Variants in TTC7A observed in about 807,000 individuals in gnomAD.
The protein encoded by TTC7A is tetratricopeptide repeat domain 7A, also known as tetratricopeptide repeat protein 7A.
TTC7A carries 110 observed loss-of-function variants against 103.7 expected under a neutral mutation model. The ratio of observed to expected loss-of-function variants is 1.06; its 90% CI spans 0.91 to 1.24. The LOEUF is 1.24. Ranked by LOEUF, TTC7A falls within the 50% of genes most tolerant of loss-of-function variation. The pLI is 0.00. For missense variants in TTC7A, 1,340 were observed against 1,116.3 expected, an observed-to-expected ratio of 1.20 and a Z score of -2.86; for synonymous variants, 521 against 467.9, an observed-to-expected ratio of 1.11 and a Z score of -1.47.
At chr2:47,052,557 G>A (rs989010466) in intron 18 of TTC7A, among the ~76,000 whole-genome samples, 3 of 152,206 alleles carry the variant, frequency 2.0e-5, no homozygotes, top group African/African-American at 4.8e-5. Context: ...CACGGACAGC[G>A]AGTGTCTTAA....
At chr2:47,045,369 T>G (rs1682205057) in intron 15 of TTC7A, among the ~76,000 whole-genome samples, 1 of 152,168 alleles carries the variant, frequency 6.6e-6, no homozygotes, top group South Asian at 2.1e-4. Context: ...GTGTCATGAC[T>G]GGCCTGTGAG....
intron 2 of TTC7A, among the ~76,000 whole-genome samples, chr2:46,955,571 A>G (rs755767434): frequency 1.3e-5 from 2 of 152,198 alleles, no homozygotes; most frequent in Non-Finnish European, 2.9e-5. Context: ...TGGTTAGGCC[A>G]GGGGGAAGGG....
chr2:46,998,232 A>G (rs1449495765), intron 8 of TTC7A, among the ~76,000 whole-genome samples: 1 of 152,072 alleles, frequency 6.6e-6, no homozygotes, highest in Non-Finnish European at 1.5e-5. Flanking sequence ...ACATTCAGAA[A>G]CTTGAGGGAT....
intron 10 of TTC7A, 40 bp downstream of exon 10, chr2:47,006,764 C>T: frequency 2.0e-6 from 3 of 1,487,690 alleles, no homozygotes; most frequent in Non-Finnish European, 2.8e-6. Flanking sequence ...CACTCACCCG[C>T]AGGGGGCTCT....
chr2:46,992,978 G>A (rs1004375034), intron 5 of TTC7A, among the ~76,000 whole-genome samples: 24 of 152,360 alleles, frequency 1.6e-4, no homozygotes, highest in African/African-American at 5.8e-4. Flanking sequence ...GGCGAGACTG[G>A]CTGGTGTGGT....
At chr2:47,021,816 G>GA (rs1171026975) in intron 11 of TTC7A, 46 bp from the exon 12 acceptor site, 1 of 1,523,508 alleles carries the variant, frequency 6.6e-7, no homozygotes, top group Admixed American at 1.7e-5. Flanking sequence ...ACTGGTAGAG[G>GA]AAACTCCAAC....
intron 18 of TTC7A, 151 bp downstream of exon 18, chr2:47,052,031 C>T (rs1417335815): frequency 2.9e-6 from 3 of 1,018,070 alleles, no homozygotes; most frequent in Admixed American, 2.9e-5. Flanking sequence ...CTGTGGGTCT[C>T]CTTCTCTGCC....
chr2:47,044,138 C>G (rs552086384), intron 15 of TTC7A, among the ~76,000 whole-genome samples: 1 of 152,320 alleles, frequency 6.6e-6, no homozygotes, highest in South Asian at 2.1e-4. Flanking sequence ...CTGCCCCACC[C>G]TCCACACCGG....
chr2:46,999,617 C>T (rs1370174395), intron 8 of TTC7A: 1 of 985,288 alleles, frequency 1.0e-6, no homozygotes, highest in African/African-American at 1.7e-5. Context: ...ACCCTGGTCC[C>T]CAAATCAGAA....
chr2:46,929,237 A>G (rs7603884), intron 2 of TTC7A, among the ~76,000 whole-genome samples: 10,608 of 152,180 alleles, frequency 0.07, 511 homozygotes, highest in African/African-American at 0.13. Flanking sequence ...TAATCCTAGC[A>G]CTTTGGGAAG....
At chr2:46,962,251 A>G (rs965979075) in intron 3 of TTC7A, among the ~76,000 whole-genome samples, 1 of 151,942 alleles carries the variant, frequency 6.6e-6, no homozygotes, top group Non-Finnish European at 1.5e-5. Flanking sequence ...GTTTCCTTAC[A>G]TTCTCCTCCG....
intron 5 of TTC7A, among the ~76,000 whole-genome samples, chr2:46,992,098 T>A (rs1299333932): frequency 1.1e-4 from 17 of 152,218 alleles, no homozygotes; most frequent in Non-Finnish European, 1.9e-4. Context: ...CCCTCTGTGA[T>A]CTTAATTTTT....
chr2:47,049,838 A>G, intron 16 of TTC7A, 111 bp from the exon 17 acceptor site: 3 of 774,874 alleles, frequency 3.9e-6, no homozygotes, highest in Non-Finnish European at 6.5e-6. Flanking sequence ...GCCTGGAGTG[A>G]GGCTGTCCCA....
intron 2 of TTC7A, among the ~76,000 whole-genome samples, chr2:46,925,368 G>A (rs1313778139): frequency 6.6e-6 from 1 of 152,112 alleles, no homozygotes; most frequent in Non-Finnish European, 1.5e-5. Flanking sequence ...GACTAACCTA[G>A]CCAACATGGT....
At chr2:46,999,769 G>T (rs1027603165) in intron 8 of TTC7A, 10 of 985,358 alleles carry the variant, frequency 1.0e-5, no homozygotes, top group Non-Finnish European at 1.2e-5. Context: ...CTGATCTGGG[G>T]CATAAAAATA....
chr2:46,919,686 C>A (rs1024773508), intron 2 of TTC7A, among the ~76,000 whole-genome samples: 2 of 152,250 alleles, frequency 1.3e-5, no homozygotes, highest in Admixed American at 1.3e-4. Flanking sequence ...GTGGTAATCT[C>A]TGAACCCTGG....
chr2:47,023,447 C>T lies in TTC7A; in HGVS notation c.1550C>T (p.Ala517Val), dbSNP rs1346066212. ...KSKQDELHRK[A>V]LQTLERAQQL... ...AAGCAAGATGAATTGCACCGGAAGG[C>T]ACTGCAGACGCTGGAGAGGTGAGGA... The change falls in exon 13 of 20, where the codon GCA (alanine) becomes GTA (valine). Residue 517 changes from alanine to valine, a missense_variant. Coordinates refer to ENST00000319190, the MANE Select transcript of TTC7A (RefSeq NM_020458.4). The T allele has an allele frequency of 4.3e-6, 7 of 1,614,034 alleles. No individual in the cohort carries two copies. Among genetic ancestry groups the T allele is most frequent in the South Asian group, 3.3e-5 (3 of 91,092 alleles).
intron 19 of TTC7A, among the ~76,000 whole-genome samples, chr2:47,070,924 C>T (rs1006544105): frequency 2.6e-5 from 4 of 152,214 alleles, no homozygotes; most frequent in East Asian, 1.9e-4. Context: ...AACTGGAAGC[C>T]TCTCAGCAGA....
Position 46,950,437 on chromosome 2 carries a change from G to C in TTC7A, c.259G>C (p.Asp87His). 6.2e-7 allele frequency: 1 copy of C among 1,614,168 alleles called. No individual in the cohort carries two copies. Among genetic ancestry groups the C allele is most frequent in the East Asian group, 2.2e-5 (1 of 44,890 alleles). Residue 87 changes from aspartate (D) to histidine (H), a missense_variant, in exon 2 of 20, where the codon GAC becomes CAC. Transcript: ENST00000319190. ...CLKENHAKIK[D>H]SMPLLEKNEP... Reference sequence around the variant, plus strand: ...GAAGGAGAACCATGCCAAAATAAAAGACTCCATGCCTTTGCTGGAGAAGAA... The same window carrying C: ...GAAGGAGAACCATGCCAAAATAAAACACTCCATGCCTTTGCTGGAGAAGAA...
Sources: allele counts gnomAD v4.1 joint callset (sites outside exome capture counted in the v4.1 genomes callset), GRCh38; gene constraint gnomAD v4.1.1; transcripts MANE v1.5; gene names NCBI Gene and HGNC (gene_info 2026-07-23, HGNC 2026-07-21).